PLXNC1: variants seen among roughly 807,000 people sequenced by gnomAD.
The protein encoded by PLXNC1 is plexin C1, also known as plexin-C1.
Under a neutral mutation model 178.2 loss-of-function variants are expected in PLXNC1, and 75 were observed. The ratio of observed to expected loss-of-function variants is 0.42; its 90% CI spans 0.35 to 0.51. The LOEUF (loss-of-function observed/expected upper bound fraction) is 0.51, where lower values mean the gene tolerates loss of function less well. Among genes scored for constraint, PLXNC1 ranks in the 20% least tolerant of loss-of-function variants. PLXNC1 has a pLI of 0.02. For missense variants in PLXNC1, 1,503 were observed against 1,984.4 expected (o/e 0.76, Z 4.61); for synonymous variants, 790 against 779.9 (o/e 1.01, Z -0.22).
chr12:94,214,524 A>T (rs963393615), intron 5 of PLXNC1, among the ~76,000 whole-genome samples: 1 of 152,234 alleles, frequency 6.6e-6, no homozygotes, highest in Non-Finnish European at 1.5e-5. Context: ...AATTAAATAT[A>T]AAAAACATTA....
Position 94,305,448 on chromosome 12 carries a change from C to G in PLXNC1, c.*163C>G, listed in dbSNP as rs1343099441. 1.7e-6 allele frequency: 1 copy of G among 584,478 alleles called. No homozygotes were observed. Among genetic ancestry groups the G allele is most frequent in the Non-Finnish European group, 3.1e-6 (1 of 326,436 alleles). The allele number at this position is 584,478 out of a possible 1,614,324, so 36.2% of individuals were successfully genotyped here. On this transcript the variant is annotated 3_prime_UTR_variant, in exon 31 of 31. Coordinates refer to ENST00000258526, the MANE Select transcript of PLXNC1 (RefSeq NM_005761.3). ...AGGCACATGCACAGCTTTTAGAAAG[C>G]ATACCAACCCTTGTGCCTGTGTGTA...
Position 94,265,021 on chromosome 12 carries a change from T to G in PLXNC1, c.3451-58T>G. 5.2e-6 allele frequency: 8 copies of G among 1,548,672 alleles called. No homozygotes were observed. In the South Asian group the frequency reaches 9.2e-5, roughly 18 times the overall value. On this transcript the variant is annotated intron_variant, in intron 20 of 30. Coordinates refer to ENST00000258526, the MANE Select transcript of PLXNC1 (RefSeq NM_005761.3). Reference sequence around the variant, plus strand: ...TGCTGTAAACAGAAACTTTAATTCTTTGGAAAGTACAGTGGATTCCACAGA... The same window carrying G: ...TGCTGTAAACAGAAACTTTAATTCTGTGGAAAGTACAGTGGATTCCACAGA...
At chr12:94,293,178 TTTCA>T (rs1368671203) in intron 23 of PLXNC1, among the ~76,000 whole-genome samples, 1 of 152,204 alleles carries the variant, frequency 6.6e-6, no homozygotes, top group Non-Finnish European at 1.5e-5. Context: ...GTTTGCTCAT[TTTCA>T]TTGTTTTATA....
chr12:94,220,053 A>T lies in PLXNC1; in HGVS notation c.1592A>T (p.His531Leu). ...ATGGTGGGAAGCTTCTCTCCAAGAC[A>T]CTCAAAGTGCATGGTGAAGAATGTG... ...VTMVGSFSPR[H>L]SKCMVKNVDS... Residue 531 changes from histidine (H) to leucine (L), a missense_variant, in exon 6 of 31, where the codon CAC becomes CTC. His to Leu is a moderately conservative substitution (Grantham distance 99, BLOSUM62 -3). Coordinates refer to ENST00000258526, the MANE Select transcript of PLXNC1 (RefSeq NM_005761.3). 1 of 1,613,808 alleles carries T rather than the reference A, an allele frequency of 6.2e-7. No homozygotes were observed. Among genetic ancestry groups the T allele is most frequent in the Non-Finnish European group, 8.5e-7 (1 of 1,179,806 alleles).
intron 5 of PLXNC1, among the ~76,000 whole-genome samples, chr12:94,211,858 G>A (rs957492871): frequency 7.9e-5 from 12 of 152,206 alleles, no homozygotes; most frequent in Non-Finnish European, 1.8e-4. Flanking sequence ...ATGTATATAT[G>A]TCTCTATATG....
Position 94,240,636 on chromosome 12 carries a change from C to T in PLXNC1, c.2272C>T (p.Leu758Phe). Residue 758 changes from leucine (L) to phenylalanine (F), a missense_variant, in exon 11 of 31, where the codon CTT (leucine) becomes TTT (phenylalanine). Leu to Phe is a conservative substitution (Grantham distance 22). Coordinates refer to ENST00000258526, the MANE Select transcript of PLXNC1 (RefSeq NM_005761.3). Reference protein sequence around the residue: ...LSYIALPHCSLIFPATTWISG... With the variant: ...LSYIALPHCSFIFPATTWISG... Reference sequence around the variant, plus strand: ...CTACATTGCTCTGCCACATTGTTCCCTTATATTTCCTGCTACCACCTGGAT... The same window carrying T: ...CTACATTGCTCTGCCACATTGTTCCTTTATATTTCCTGCTACCACCTGGAT... The T allele has an allele frequency of 6.2e-7, 1 of 1,613,192 alleles. No homozygotes were observed. Among genetic ancestry groups the T allele is most frequent in the Non-Finnish European group, 8.5e-7 (1 of 1,179,548 alleles).
At chr12:94,282,465 T>G in intron 23 of PLXNC1, 64 bp downstream of exon 23, 1 of 1,074,860 alleles carries the variant, frequency 9.3e-7, no homozygotes, top group Non-Finnish European at 1.4e-6. Context: ...ATGGACATTC[T>G]TTTAAAACAT....
intron 11 of PLXNC1, among the ~76,000 whole-genome samples, chr12:94,242,049 A>G (rs1330972089): frequency 6.6e-6 from 1 of 152,030 alleles, no homozygotes. Flanking sequence ...GAGAAGAAAA[A>G]AATCACTTTT....
intron 4 of PLXNC1, among the ~76,000 whole-genome samples, chr12:94,197,199 C>T (rs369760825): frequency 9.0e-4 from 137 of 152,234 alleles, no homozygotes; most frequent in African/African-American, 3.1e-3. Context: ...CTCACATCTG[C>T]AGAGTCCCCT....
chr12:94,215,652 T>C (rs1298772869), intron 5 of PLXNC1, among the ~76,000 whole-genome samples: 1 of 152,060 alleles, frequency 6.6e-6, no homozygotes. Flanking sequence ...TCATAGAATA[T>C]AGTGGAAAGC....
At chr12:94,180,268 T>G (rs1319407272) in intron 2 of PLXNC1, among the ~76,000 whole-genome samples, 1 of 152,206 alleles carries the variant, frequency 6.6e-6, no homozygotes, top group Non-Finnish European at 1.5e-5. Flanking sequence ...CCTCCCATTT[T>G]AGTTTCTTTG....
chr12:94,177,230 CATATATAT>C (rs568262912), intron 2 of PLXNC1, among the ~76,000 whole-genome samples: 20 of 97,546 alleles, frequency 2.1e-4, no homozygotes, highest in Admixed American at 5.6e-4. Flanking sequence ...TATATATATA[CATATATAT>C]ATATATATAT....
At position 94,259,593 on chromosome 12, in the gene PLXNC1, T is replaced by A; in HGVS notation, c.3127-17T>A. 2 of 1,549,544 alleles carry A rather than the reference T, an allele frequency of 1.3e-6. No individual in the cohort carries two copies. Among genetic ancestry groups the A allele is most frequent in the South Asian group, 2.4e-5 (2 of 82,402 alleles). ...TATGATTTTGTATTATACTATATAT[T>A]TTTTTCTTTTTATCAGAACAGAGAC... On this transcript the variant is annotated splice_polypyrimidine_tract_variant and intron_variant, in intron 18 of 30. Coordinates refer to ENST00000258526, the MANE Select transcript of PLXNC1 (RefSeq NM_005761.3).
intron 23 of PLXNC1, among the ~76,000 whole-genome samples, chr12:94,293,982 C>A (rs912553324): frequency 6.6e-6 from 1 of 152,110 alleles, no homozygotes; most frequent in Non-Finnish European, 1.5e-5. Flanking sequence ...ATGACTTAGT[C>A]ACCTCCCAAA....
chr12:94,203,280 G>C lies in PLXNC1; in HGVS notation c.1440-6310G>C, dbSNP rs116202553. 5.4e-3 allele frequency among the ~76,000 whole-genome samples: 824 copies of C among 152,292 alleles called. 7 individuals carry two copies. Among genetic ancestry groups the C allele is most frequent in the African/African-American group, 0.019 (774 of 41,564 alleles). On this transcript the variant is annotated intron_variant, in intron 4 of 30. Coordinates refer to ENST00000258526, the MANE Select transcript of PLXNC1 (RefSeq NM_005761.3). ...CCTCAGAACATCCTTCAACAAAAAA[G>C]CTGGAAGATGGTACATCATTCATTC... is the stretch of plus-strand genomic sequence containing the variant.
At chr12:94,164,742 T>A (rs1961539919) in intron 1 of PLXNC1, among the ~76,000 whole-genome samples, 1 of 151,888 alleles carries the variant, frequency 6.6e-6, no homozygotes, top group Non-Finnish European at 1.5e-5. Flanking sequence ...TCAGGAGCTT[T>A]GGTCCCAGTT....
intron 11 of PLXNC1, among the ~76,000 whole-genome samples, chr12:94,241,717 A>C (rs1348302758): frequency 6.6e-6 from 1 of 152,200 alleles, no homozygotes; most frequent in African/African-American, 2.4e-5. Flanking sequence ...ATGCTGAATA[A>C]TACTCCATTG....
intron 21 of PLXNC1, among the ~76,000 whole-genome samples, chr12:94,276,714 G>T (rs1040681739): frequency 6.6e-6 from 1 of 152,176 alleles, no homozygotes; most frequent in African/African-American, 2.4e-5. Flanking sequence ...CGGGTGTGAG[G>T]CTTCACATGT....
intron 5 of PLXNC1, among the ~76,000 whole-genome samples, chr12:94,210,439 G>A (rs1473192395): frequency 6.6e-6 from 1 of 152,232 alleles, no homozygotes; most frequent in Non-Finnish European, 1.5e-5. Context: ...GACGGCTCTT[G>A]TGTTATGAAT....
Sources: allele counts gnomAD v4.1 joint callset (sites outside exome capture counted in the v4.1 genomes callset), GRCh38; gene constraint gnomAD v4.1.1; transcripts MANE v1.5; gene names NCBI Gene and HGNC (gene_info 2026-07-23, HGNC 2026-07-21).